Variants in PRKN observed in about 807,000 individuals in gnomAD.
PRKN encodes the protein parkin RBR E3 ubiquitin protein ligase.
In PRKN, 56 loss-of-function variants were observed where a neutral mutation model predicts 59.5. The observed-to-expected ratio is 0.94, with a 90% CI of 0.76 to 1.18. PRKN has a LOEUF of 1.18. Ranked by LOEUF, PRKN falls within the 50% of genes most tolerant of loss-of-function variation. The pLI, the probability that PRKN is intolerant of heterozygous loss-of-function variation, is 0.00. For missense variants in PRKN, 657 were observed against 596.4 expected (o/e 1.10, Z -1.06); for synonymous variants, 250 against 222.1 (o/e 1.13, Z -1.12).
Position 161,566,745 on chromosome 6 carries a change from G to C in PRKN, c.933+2610C>G, listed in dbSNP as rs1323026627. On this transcript the variant is annotated intron_variant, in intron 8 of 11. Transcript: ENST00000366898. The surrounding 1 kb of genome is among the most constrained non-coding windows in gnomAD (Gnocchi z 4.1). ...TTATTGCAACCCTATCTCATGCAAT[G>C]TGGCTCCTTCCTCTTTGTTTTGCTC... Among the ~76,000 whole-genome samples the C allele has an allele frequency of 6.6e-6, 1 of 152,062 alleles. No individual in the cohort carries two copies. The highest frequency in any genetic ancestry group is 1.9e-4 in the East Asian group (1 of 5,168).
intron 1 of PRKN, among the ~76,000 whole-genome samples, chr6:162,600,195 G>A (rs1049729403): frequency 6.6e-6 from 1 of 152,018 alleles, no homozygotes; most frequent in Non-Finnish European, 1.5e-5. Context: ...TCACCAAAAC[G>A]TGGTGTGGCC....
intron 6 of PRKN, among the ~76,000 whole-genome samples, chr6:161,811,068 G>A (rs1791538294): frequency 6.6e-6 from 1 of 152,130 alleles, no homozygotes; most frequent in Admixed American, 6.5e-5. Context: ...TATCATCAAA[G>A]TTTTTAAAGA....
intron 4 of PRKN, among the ~76,000 whole-genome samples, chr6:162,068,783 T>G (rs147877237): frequency 6.7e-6 from 1 of 150,162 alleles, no homozygotes; most frequent in Non-Finnish European, 1.5e-5. Context: ...ATTTTCTTGG[T>G]TAGAGAAAGC....
chr6:161,558,801 T>C (rs1780341672), intron 8 of PRKN, among the ~76,000 whole-genome samples: 1 of 152,124 alleles, frequency 6.6e-6, no homozygotes, highest in Non-Finnish European at 1.5e-5. Flanking sequence ...GTAATCTTCA[T>C]CTTCCTTTTT....
intron 9 of PRKN, among the ~76,000 whole-genome samples, chr6:161,476,043 C>T (rs372584120): frequency 4.3e-4 from 66 of 151,858 alleles, no homozygotes; most frequent in African/African-American, 1.4e-3. Flanking sequence ...AAAAATTAGC[C>T]GGGCGTGGTG....
chr6:162,274,184 T>TAATTAATTAATTAATTAATTA (rs1562631941), intron 2 of PRKN, among the ~76,000 whole-genome samples: 1 of 142,782 alleles, frequency 7.0e-6, no homozygotes, highest in Non-Finnish European at 1.5e-5. Context: ...TTTATTAATG[T>TAATTAATTAATTAATTAATTA]ATTTATTTAT....
intron 6 of PRKN, among the ~76,000 whole-genome samples, chr6:161,881,080 A>G (rs1197817273): frequency 6.6e-6 from 1 of 152,204 alleles, no homozygotes; most frequent in Non-Finnish European, 1.5e-5. Flanking sequence ...GGTAGAAAGG[A>G]GGGCCTCACC....
intron 1 of PRKN, among the ~76,000 whole-genome samples, chr6:162,623,537 T>C (rs572855421): frequency 1.3e-5 from 2 of 152,258 alleles, no homozygotes; most frequent in Admixed American, 6.5e-5. Context: ...CCAATGAGAA[T>C]AGAGATAAAT....
At chr6:162,111,017 C>T (rs183687745) in intron 4 of PRKN, among the ~76,000 whole-genome samples, 85 of 152,220 alleles carry the variant, frequency 5.6e-4, no homozygotes, top group Non-Finnish European at 9.8e-4. Flanking sequence ...CCAAATGCAA[C>T]GTGTGGGCTT....
intron 6 of PRKN, among the ~76,000 whole-genome samples, chr6:161,788,871 A>G (rs1247594355): frequency 6.6e-6 from 1 of 152,238 alleles, no homozygotes; most frequent in African/African-American, 2.4e-5. Context: ...TACACAGTCA[A>G]CTTGGATATA....
chr6:162,467,244 A>G (rs970843515), intron 1 of PRKN, among the ~76,000 whole-genome samples: 2 of 152,100 alleles, frequency 1.3e-5, no homozygotes, highest in Non-Finnish European at 2.9e-5. Flanking sequence ...GAAAATCAAG[A>G]TTTATTCGTT....
chr6:162,029,155 C>G (rs1284017880), intron 5 of PRKN, among the ~76,000 whole-genome samples: 1 of 152,084 alleles, frequency 6.6e-6, no homozygotes, highest in Admixed American at 6.5e-5. Flanking sequence ...TCAGAATCAC[C>G]CAAGGAGCTC....
intron 5 of PRKN, among the ~76,000 whole-genome samples, chr6:162,009,242 G>T (rs1421673172): frequency 2.6e-5 from 4 of 151,962 alleles, no homozygotes; most frequent in Admixed American, 2.0e-4. Context: ...GACAGAGCAA[G>T]ACTCTGTCTT....
rs116370640 is a variant in PRKN, at chr6:161,969,131, G to A, written c.734+4171C>T. 7.6e-3 allele frequency among the ~76,000 whole-genome samples: 1,156 copies of A among 152,266 alleles called. 15 individuals carry two copies. The highest frequency in any genetic ancestry group is 0.027 in the African/African-American group (1,109 of 41,548). On this transcript the variant is annotated intron_variant, in intron 6 of 11. Coordinates refer to ENST00000366898, the MANE Select transcript of PRKN (RefSeq NM_004562.3). ...AGAACTAGAGCAGTGTTTCTGGAAA[G>A]GAAGGTGACAATATGGATCAAGAAC...
intron 2 of PRKN, among the ~76,000 whole-genome samples, chr6:162,369,511 T>C (rs944224128): frequency 2.0e-5 from 3 of 152,332 alleles, no homozygotes; most frequent in Admixed American, 1.3e-4. Flanking sequence ...GTGATACAAT[T>C]GTACACATTC....
intron 6 of PRKN, among the ~76,000 whole-genome samples, chr6:161,808,829 T>C (rs182901770): frequency 6.6e-6 from 1 of 152,138 alleles, no homozygotes; most frequent in East Asian, 1.9e-4. Context: ...TATTCTGGTA[T>C]TTTGTTCTGT....
Position 161,357,077 on chromosome 6 carries a change from A to G in PRKN, c.1285+3011T>C, listed in dbSNP as rs1784786000. Among the ~76,000 whole-genome samples, 1 of 133,148 alleles carries G rather than the reference A, an allele frequency of 7.5e-6. No individual in the cohort carries two copies. The highest frequency in any genetic ancestry group is 2.9e-5 in the African/African-American group (1 of 34,946). 87.4% of individuals were successfully genotyped at this position (133,148 alleles called of 152,430 possible). ...TTTTTTTTTTTTTTTTTTGAGACAG[A>G]GTCTTGCTCTGTCACTCAGGCTGGA... On this transcript the variant is annotated intron_variant, in intron 11 of 11. Coordinates refer to ENST00000366898, the MANE Select transcript of PRKN (RefSeq NM_004562.3). The surrounding 1 kb of genome is among the most constrained non-coding windows in gnomAD (Gnocchi z 5.5).
chr6:161,553,164 T>G (rs1021184190), intron 8 of PRKN, among the ~76,000 whole-genome samples: 1 of 151,064 alleles, frequency 6.6e-6, no homozygotes, highest in African/African-American at 2.4e-5. Context: ...TCCATTGTCT[T>G]TTTTTCCTTG....
intron 6 of PRKN, among the ~76,000 whole-genome samples, chr6:161,840,014 C>G (rs1167884631): frequency 6.6e-6 from 1 of 152,252 alleles, no homozygotes; most frequent in Non-Finnish European, 1.5e-5. Context: ...AGGCTCGCCC[C>G]TCCTCTGCTG....
Sources: gnomAD v4.1 joint callset for allele counts (sites outside exome capture counted in the v4.1 genomes callset) on GRCh38, gnomAD v4.1.1 for gene constraint, Gnocchi (gnomAD v3.1) non-coding constraint, MANE v1.5 for transcripts, NCBI Gene and HGNC (gene_info 2026-07-23, HGNC 2026-07-21) for gene names.